The following LUZP2 variants were observed in gnomAD, a reference collection of about 807,000 sequenced individuals.
LUZP2 encodes the protein leucine zipper protein 2.
In LUZP2, 52 loss-of-function variants were observed where a neutral mutation model predicts 51.6. That is an observed-to-expected ratio of 1.01 (90% CI 0.81 to 1.27). LUZP2 has a LOEUF of 1.27. Ranked by LOEUF, LUZP2 falls within the 50% of genes most tolerant of loss-of-function variation. LUZP2 has a pLI of 0.00. For synonymous variants in LUZP2, 154 were observed against 137.3 expected (o/e 1.12, Z -0.85); for missense variants, 436 against 395.4 (o/e 1.10, Z -0.87).
chr11:24,755,389 T>C (rs917877815), intron 4 of LUZP2, among the ~76,000 whole-genome samples: 4 of 152,138 alleles, frequency 2.6e-5, no homozygotes, highest in African/African-American at 9.7e-5. Context: ...ATTTTCCCCT[T>C]TGCGGGTGGC....
At chr11:24,890,338 A>G (rs1852806156) in intron 5 of LUZP2, among the ~76,000 whole-genome samples, 12 of 152,228 alleles carry the variant, frequency 7.9e-5, no homozygotes, top group Admixed American at 7.9e-4. Flanking sequence ...GAAGTACATG[A>G]CAATAATAAC....
chr11:24,924,055 C>A (rs886262992), intron 7 of LUZP2, among the ~76,000 whole-genome samples: 1 of 151,728 alleles, frequency 6.6e-6, no homozygotes, highest in African/African-American at 2.4e-5. Flanking sequence ...CTTGCCCCCC[C>A]ACACCCAGCC....
At chr11:24,789,035 C>T (rs934749457) in intron 5 of LUZP2, among the ~76,000 whole-genome samples, 3 of 152,140 alleles carry the variant, frequency 2.0e-5, no homozygotes, top group Non-Finnish European at 4.4e-5. Flanking sequence ...CCATTAAACC[C>T]TGCTTTTTAT....
At chr11:24,651,450 G>A (rs999380974) in intron 1 of LUZP2, among the ~76,000 whole-genome samples, 1 of 152,058 alleles carries the variant, frequency 6.6e-6, no homozygotes, top group African/African-American at 2.4e-5. Flanking sequence ...CATTCCATGT[G>A]CCTAAAGGGA....
chr11:25,042,353 G>A (rs1031169818), intron 9 of LUZP2, among the ~76,000 whole-genome samples: 4 of 151,762 alleles, frequency 2.6e-5, no homozygotes, highest in East Asian at 3.9e-4. Flanking sequence ...TTTTCATAAC[G>A]TTTAACATGA....
At chr11:24,638,619 TC>T (rs113319568) in intron 1 of LUZP2, among the ~76,000 whole-genome samples, 2 of 151,726 alleles carry the variant, frequency 1.3e-5, no homozygotes, top group African/African-American at 2.4e-5. Flanking sequence ...TGGAATTTTT[TC>T]TAAATTATGC....
At chr11:24,591,123 T>C (rs1240216201) in intron 1 of LUZP2, among the ~76,000 whole-genome samples, 1 of 152,016 alleles carries the variant, frequency 6.6e-6, no homozygotes, top group African/African-American at 2.4e-5. Context: ...AAAATAGTAA[T>C]AATAAAATGT....
chr11:24,676,951 G>A (rs1017969700), intron 1 of LUZP2, among the ~76,000 whole-genome samples: 2 of 152,114 alleles, frequency 1.3e-5, no homozygotes, highest in African/African-American at 4.8e-5. Flanking sequence ...ACAGGCGTGA[G>A]CCACCATGTC....
At chr11:24,806,522 T>G (rs1299528036) in intron 5 of LUZP2, among the ~76,000 whole-genome samples, 1 of 152,174 alleles carries the variant, frequency 6.6e-6, no homozygotes, top group African/African-American at 2.4e-5. Context: ...TTGCTTATTT[T>G]TACAAGGGAG....
chr11:24,700,032 T>G (rs1257723464), intron 1 of LUZP2, among the ~76,000 whole-genome samples: 1 of 150,930 alleles, frequency 6.6e-6, no homozygotes, highest in Non-Finnish European at 1.5e-5. Flanking sequence ...CTTTTTCAGA[T>G]TACTCTATGC....
chr11:24,565,324 A>G (rs12289378), intron 1 of LUZP2, among the ~76,000 whole-genome samples: 49,003 of 152,052 alleles, frequency 0.32, 9,068 homozygotes, highest in East Asian at 0.61. Context: ...TATATTTAGT[A>G]AGACCCAAAA....
At chr11:24,603,916 T>C (rs753213546) in intron 1 of LUZP2, among the ~76,000 whole-genome samples, 4 of 151,772 alleles carry the variant, frequency 2.6e-5, no homozygotes, top group Non-Finnish European at 3.0e-5. Context: ...TGTGATATTA[T>C]CCACATTACT....
chr11:25,025,540 A>G (rs1230881220), intron 9 of LUZP2, among the ~76,000 whole-genome samples: 1 of 152,216 alleles, frequency 6.6e-6, no homozygotes, highest in African/African-American at 2.4e-5. Flanking sequence ...CAGACACATG[A>G]AAAAATGCTC....
intron 7 of LUZP2, among the ~76,000 whole-genome samples, chr11:24,927,975 A>G (rs1277018653): frequency 6.6e-6 from 1 of 151,722 alleles, no homozygotes; most frequent in African/African-American, 2.4e-5. Context: ...GTATATTCCT[A>G]TGTATTTTAT....
At chr11:24,809,122 T>C (rs1849943816) in intron 5 of LUZP2, among the ~76,000 whole-genome samples, 1 of 152,158 alleles carries the variant, frequency 6.6e-6, no homozygotes, top group Non-Finnish European at 1.5e-5. Context: ...GTATAATATG[T>C]AACAAAAGAG....
chr11:24,740,985 A>G (rs1167843242), intron 4 of LUZP2, among the ~76,000 whole-genome samples: 2 of 152,092 alleles, frequency 1.3e-5, no homozygotes, highest in Admixed American at 1.3e-4. Flanking sequence ...CTTCCTAACC[A>G]TTTAAAACCT....
intron 5 of LUZP2, among the ~76,000 whole-genome samples, chr11:24,796,401 A>G (rs75392930): frequency 0.011 from 1,687 of 152,142 alleles, 28 homozygotes; most frequent in African/African-American, 0.037. Context: ...TTAACCACAA[A>G]CAACTTGTAA....
At chr11:24,657,494 G>A (rs534579091) in intron 1 of LUZP2, among the ~76,000 whole-genome samples, 19 of 152,112 alleles carry the variant, frequency 1.2e-4, no homozygotes, top group African/African-American at 4.3e-4. Context: ...AAAAACTGGA[G>A]GCATTCCCTT....
rs200933129 is a variant in LUZP2, at chr11:24,898,468, C to CA, written c.397-7517dup. ...TGAAACCCCGTCTCTACTAAAAATA[C>CA]AAAAAATTAGCTGGGCGTGGTGGTG... On this transcript the variant is annotated intron_variant, in intron 5 of 11. Coordinates refer to ENST00000336930, the MANE Select transcript of LUZP2 (RefSeq NM_001009909.4). 7.7e-3 allele frequency among the ~76,000 whole-genome samples: 1,168 copies of CA among 152,104 alleles called. 16 individuals are homozygous for CA. Among genetic ancestry groups the CA allele is most frequent in the East Asian group, 0.055 (280 of 5,136 alleles).
Sources: allele counts gnomAD v4.1 joint callset (sites outside exome capture counted in the v4.1 genomes callset), GRCh38; gene constraint gnomAD v4.1.1; transcripts MANE v1.5; gene names NCBI Gene and HGNC (gene_info 2026-07-23, HGNC 2026-07-21).